Variants in RAB8B observed in about 807,000 individuals in gnomAD.
RAB8B encodes RAB8B, member RAS oncogene family, also known as ras-related protein Rab-8B.
In RAB8B, 11 loss-of-function variants were observed where a neutral mutation model predicts 32.0. The ratio of observed to expected loss-of-function variants is 0.34; its 90% confidence interval spans 0.22 to 0.57. The LOEUF (loss-of-function observed/expected upper bound fraction) is 0.57, where lower values mean the gene tolerates loss of function less well. RAB8B is among the 20% of genes least tolerant of loss of function. The pLI is 0.86. For missense variants in RAB8B, 190 were observed against 258.5 expected (o/e 0.73, Z 1.82); for synonymous variants, 103 against 89.6 (o/e 1.15, Z -0.85).
intron 1 of RAB8B, among the ~76,000 whole-genome samples, chr15:63,194,926 T>G (rs2037587943): frequency 6.6e-6 from 1 of 152,248 alleles, no homozygotes; most frequent in South Asian, 2.1e-4. Context: ...TGACCGTTAC[T>G]TAAAATTAAA....
At chr15:63,263,104 C>A (rs1045276723) in intron 7 of RAB8B, among the ~76,000 whole-genome samples, 1 of 152,190 alleles carries the variant, frequency 6.6e-6, no homozygotes, top group Non-Finnish European at 1.5e-5. Flanking sequence ...AATTTGAAAT[C>A]ATTAAGACAA....
At position 63,210,070 on chromosome 15, in the gene RAB8B, G is replaced by C. The variant is rs1342866841; in HGVS notation, c.124+20322G>C. ...ATCTTTTAAAGATAAAATAATCTTA[G>C]ACTGCAACTCTAGACATCTCAGAGT... is the stretch of plus-strand genomic sequence containing the variant. On this transcript the variant is annotated intron_variant, in intron 1 of 7. Transcript: ENST00000321437. 2.0e-5 allele frequency among the ~76,000 whole-genome samples: 3 copies of C among 152,310 alleles called. No homozygotes were observed. In the East Asian group the frequency reaches 5.8e-4, roughly 29 times the overall value.
At chr15:63,247,276 C>G (rs12591282) in intron 2 of RAB8B, among the ~76,000 whole-genome samples, 38,650 of 152,112 alleles carry the variant, frequency 0.25, 5,186 homozygotes, top group Admixed American at 0.36. Context: ...AATACCATCA[C>G]ATTGAGGATT....
intron 1 of RAB8B, among the ~76,000 whole-genome samples, chr15:63,234,952 G>A (rs1476055777): frequency 2.0e-5 from 3 of 152,108 alleles, no homozygotes; most frequent in Non-Finnish European, 1.5e-5. Flanking sequence ...AGGTGGAGAA[G>A]AAAAGTCCCC....
chr15:63,259,839 G>T lies in RAB8B; in HGVS notation c.480+147G>T. 1.5e-6 allele frequency: 1 copy of T among 675,226 alleles called. No homozygotes were observed. Among genetic ancestry groups the T allele is most frequent in the South Asian group, 2.0e-5 (1 of 49,838 alleles). The allele number at this position is 675,226 out of a possible 1,614,324, so 41.8% of individuals were successfully genotyped here. A position where few individuals can be genotyped will look rare whatever the true frequency, so the allele number is the denominator to read the frequency against. On this transcript the variant is annotated intron_variant, in intron 6 of 7. Coordinates refer to ENST00000321437, the MANE Select transcript of RAB8B (RefSeq NM_016530.3). This position sits in a 1 kb window ranked among gnomAD's most constrained non-coding sequence, Gnocchi z 4.4. ...CTACTTTGTACACTTTTGTGCTTCTGATTTTTTTTTTTTTGAGATGGAGTC... is the reference window on the plus strand; with the variant it reads ...CTACTTTGTACACTTTTGTGCTTCTTATTTTTTTTTTTTTGAGATGGAGTC...
intron 1 of RAB8B, among the ~76,000 whole-genome samples, chr15:63,205,575 C>T (rs2037691382): frequency 6.6e-6 from 1 of 152,084 alleles, no homozygotes; most frequent in African/African-American, 2.4e-5. Context: ...GGCCTCAAGG[C>T]AGTGTAAGGA....
chr15:63,218,558 G>A (rs1007975654), intron 1 of RAB8B, among the ~76,000 whole-genome samples: 1 of 152,150 alleles, frequency 6.6e-6, no homozygotes, highest in Non-Finnish European at 1.5e-5. Flanking sequence ...GTTTTAAGCT[G>A]GAGTCATTTA....
At chr15:63,234,669 G>A (rs765943572) in intron 1 of RAB8B, among the ~76,000 whole-genome samples, 20 of 152,170 alleles carry the variant, frequency 1.3e-4, no homozygotes, top group Non-Finnish European at 2.2e-4. Context: ...CTGGTGCCAC[G>A]TGGTGAGGTA....
intron 1 of RAB8B, among the ~76,000 whole-genome samples, chr15:63,208,698 T>G (rs2037719963): frequency 6.6e-6 from 1 of 152,192 alleles, no homozygotes. Flanking sequence ...TTCCTGATGT[T>G]CCTCATATGT....
At chr15:63,194,992 A>T (rs1488910662) in intron 1 of RAB8B, among the ~76,000 whole-genome samples, 1 of 152,200 alleles carries the variant, frequency 6.6e-6, no homozygotes, top group African/African-American at 2.4e-5. Context: ...TTGACTGAAA[A>T]ACAAACTTTG....
chr15:63,263,406 ATACACATTTCAC>A (rs2038217920), intron 7 of RAB8B, 109 bp from the exon 8 acceptor site: 1 of 503,740 alleles, frequency 2.0e-6, no homozygotes, highest in African/African-American at 2.2e-5. Flanking sequence ...ACTCTAGTGA[ATACACATTTCAC>A]TAGAATACAC....
chr15:63,244,521 A>G lies in RAB8B; in HGVS notation c.125-235A>G, dbSNP rs75593193. 2.0e-5 allele frequency among the ~76,000 whole-genome samples: 3 copies of G among 152,348 alleles called. No individual in the cohort carries two copies. In the East Asian group the frequency reaches 5.8e-4, roughly 29 times the overall value. ...TTGCAGGATGTGATCCATTTGTGTC[A>G]GAATAATGAGGCATATAATACGTTG... is the stretch of plus-strand genomic sequence containing the variant. On this transcript the variant is annotated intron_variant, in intron 1 of 7. Coordinates refer to ENST00000321437, the MANE Select transcript of RAB8B (RefSeq NM_016530.3).
intron 1 of RAB8B, among the ~76,000 whole-genome samples, chr15:63,222,547 T>A (rs1218813300): frequency 1.3e-5 from 2 of 152,232 alleles, no homozygotes; most frequent in Non-Finnish European, 2.9e-5. Flanking sequence ...ATGATTTTTA[T>A]TATTATTTGA....
chr15:63,204,083 G>A (rs1041021519), intron 1 of RAB8B, among the ~76,000 whole-genome samples: 4 of 152,046 alleles, frequency 2.6e-5, no homozygotes, highest in Non-Finnish European at 5.9e-5. Flanking sequence ...ATAAGGTGAG[G>A]TGTTTTTTTT....
chr15:63,216,211 A>G (rs2037789932), intron 1 of RAB8B, among the ~76,000 whole-genome samples: 1 of 145,528 alleles, frequency 6.9e-6, no homozygotes, highest in Non-Finnish European at 1.5e-5. Context: ...TTAATTAATT[A>G]ATTAATTAAT....
chr15:63,253,995 A>G (rs1213181049), intron 3 of RAB8B, among the ~76,000 whole-genome samples: 4 of 152,344 alleles, frequency 2.6e-5, no homozygotes, highest in African/African-American at 7.2e-5. Context: ...CTATTGGCCA[A>G]TGTCCAGACA....
intron 1 of RAB8B, among the ~76,000 whole-genome samples, chr15:63,233,895 G>A (rs910900794): frequency 2.6e-5 from 4 of 152,232 alleles, no homozygotes; most frequent in Admixed American, 1.3e-4. Flanking sequence ...GTAGAAAAAT[G>A]TGCAGTGCTG....
At position 63,259,712 on chromosome 15, in the gene RAB8B, T is replaced by C; in HGVS notation, c.480+20T>C. ...GAAGAGGTAAGAAGGAAACGTTTGGTGACTGTTACGGAGCAGCACCAGTGC... is the reference window on the plus strand; with the variant it reads ...GAAGAGGTAAGAAGGAAACGTTTGGCGACTGTTACGGAGCAGCACCAGTGC... On this transcript the variant is annotated intron_variant, in intron 6 of 7. Coordinates refer to ENST00000321437, the MANE Select transcript of RAB8B (RefSeq NM_016530.3). This position sits in a 1 kb window ranked among gnomAD's most constrained non-coding sequence, Gnocchi z 4.4. 1 of 1,609,390 alleles carries C rather than the reference T, an allele frequency of 6.2e-7. No homozygotes were observed. The highest frequency in any genetic ancestry group is 8.5e-7 in the Non-Finnish European group (1 of 1,175,736).
intron 2 of RAB8B, 67 bp downstream of exon 2, chr15:63,244,883 T>C: frequency 7.3e-7 from 1 of 1,364,212 alleles, no homozygotes; most frequent in Admixed American, 2.1e-5. Flanking sequence ...AAATGTGAAT[T>C]GTAATAAGTT....
Sources: gnomAD v4.1 joint callset for allele counts (sites outside exome capture counted in the v4.1 genomes callset) on GRCh38, gnomAD v4.1.1 for gene constraint, Gnocchi (gnomAD v3.1) non-coding constraint, MANE v1.5 for transcripts, NCBI Gene and HGNC (gene_info 2026-07-23, HGNC 2026-07-21) for gene names.